The following KLHL14 variants were observed in gnomAD, a reference collection of about 807,000 sequenced individuals.
The protein encoded by KLHL14 is kelch-like protein 14.
Under a neutral mutation model 64.3 loss-of-function variants are expected in KLHL14, and 22 were observed. The observed-to-expected ratio is 0.34, with a 90% CI of 0.24 to 0.49. KLHL14 has a LOEUF of 0.49. Among genes scored for constraint, KLHL14 ranks in the 20% least tolerant of loss-of-function variants. The pLI is 0.99. For missense variants in KLHL14, 661 were observed against 789.0 expected, an observed-to-expected ratio of 0.84 and a Z score of 1.94; for synonymous variants, 322 against 333.4, an observed-to-expected ratio of 0.97 and a Z score of 0.37.
At chr18:32,704,319 A>C (rs1254714168) in intron 3 of KLHL14, among the ~76,000 whole-genome samples, 1 of 152,174 alleles carries the variant, frequency 6.6e-6, no homozygotes, top group Non-Finnish European at 1.5e-5. Flanking sequence ...CTACATAATG[A>C]GGATTTATAA....
In KLHL14 at chr18:32,741,973, C is replaced by A. The variant is rs772117786; in HGVS notation, c.1024G>T (p.Val342Phe). 1 of 1,612,712 alleles carries A rather than the reference C, an allele frequency of 6.2e-7. No homozygotes were observed. ...PGPDRLPSNLVQYYDDEKKTW... is the reference protein window; with the variant it reads ...PGPDRLPSNLFQYYDDEKKTW... ...TTCTTTTCATCGTCGTAATACTGAA[C>A]CAAATTGCTGGGGAGCCGGTCCGGT... The change falls in exon 3 of 9, where the codon GTT becomes TTT. Residue 342 changes from valine to phenylalanine, a missense_variant. Physicochemically the swap from Val to Phe is conservative, Grantham distance 50. Coordinates refer to ENST00000359358, the MANE Select transcript of KLHL14 (RefSeq NM_020805.3).
chr18:32,769,326 T>C (rs2050363890), intron 2 of KLHL14, among the ~76,000 whole-genome samples: 1 of 152,176 alleles, frequency 6.6e-6, no homozygotes, highest in African/African-American at 2.4e-5. Flanking sequence ...GCTACACTTC[T>C]AACTGTCCTG....
chr18:32,736,811 T>G (rs1388767858), intron 3 of KLHL14, among the ~76,000 whole-genome samples: 1 of 152,098 alleles, frequency 6.6e-6, no homozygotes, highest in Non-Finnish European at 1.5e-5. Context: ...TACCCATTTT[T>G]TCAGAGTTAC....
intron 3 of KLHL14, among the ~76,000 whole-genome samples, chr18:32,709,854 G>A (rs2050010455): frequency 6.6e-6 from 1 of 152,168 alleles, no homozygotes; most frequent in South Asian, 2.1e-4. Context: ...TTGGAGTTCT[G>A]TTATTTGCAA....
At chr18:32,711,674 A>G (rs2050020123) in intron 3 of KLHL14, among the ~76,000 whole-genome samples, 1 of 152,196 alleles carries the variant, frequency 6.6e-6, no homozygotes, top group South Asian at 2.1e-4. Context: ...AAGGGCTAGT[A>G]GCAAGGCCTA....
chr18:32,741,044 A>G (rs2050194131), intron 3 of KLHL14: 1 of 152,242 alleles, frequency 6.6e-6, no homozygotes, highest in Non-Finnish European at 1.5e-5. Flanking sequence ...CAATAAGAAA[A>G]TCTAACATTC....
chr18:32,694,028 TG>T (rs1485392073), intron 4 of KLHL14, among the ~76,000 whole-genome samples: 1 of 152,192 alleles, frequency 6.6e-6, no homozygotes, highest in African/African-American at 2.4e-5. Context: ...AGGTTTTCTG[TG>T]TTGCTGCTTA....
intron 3 of KLHL14, among the ~76,000 whole-genome samples, chr18:32,701,678 T>G (rs2049966937): frequency 1.3e-5 from 2 of 152,132 alleles, no homozygotes; most frequent in Admixed American, 1.3e-4. Context: ...CTATTGAGGT[T>G]GTAGGAGGGA....
At chr18:32,696,873 C>CATT (rs2049939531) in intron 3 of KLHL14, among the ~76,000 whole-genome samples, 1 of 152,146 alleles carries the variant, frequency 6.6e-6, no homozygotes, top group African/African-American at 2.4e-5. Context: ...TCTGAAAGAG[C>CATT]AAATCAGATC....
At chr18:32,734,086 C>G (rs150179482) in intron 3 of KLHL14, 1 of 688,228 alleles carries the variant, frequency 1.5e-6, no homozygotes, top group Non-Finnish European at 2.7e-6. Flanking sequence ...GAGGTGAGAG[C>G]GCTTTGAGCA....
chr18:32,767,280 T>G (rs879688348), intron 2 of KLHL14, among the ~76,000 whole-genome samples: 20 of 152,204 alleles, frequency 1.3e-4, no homozygotes, highest in Admixed American at 2.0e-4. Context: ...ACTTTAAAGT[T>G]AGGAACTTCA....
chr18:32,766,937 AG>A (rs2050349122), intron 2 of KLHL14, among the ~76,000 whole-genome samples: 1 of 152,156 alleles, frequency 6.6e-6, no homozygotes, highest in Admixed American at 6.5e-5. Context: ...CTCTTAAACA[AG>A]TAAATTCTCT....
In KLHL14 at chr18:32,675,086, G is replaced by A. The variant is rs118164455; in HGVS notation, c.1747-289C>T. 4.0e-4 allele frequency among the ~76,000 whole-genome samples: 61 copies of A among 152,250 alleles called. No individual in the cohort carries two copies. In the East Asian group the frequency reaches 0.012, roughly 29 times the overall value. On this transcript the variant is annotated intron_variant, in intron 8 of 8. Coordinates refer to ENST00000359358, the MANE Select transcript of KLHL14 (RefSeq NM_020805.3). ...AAATCCTAAATTGGCTGGGCCCAGT[G>A]GCTCATACCTGTAATCACAGAGCTT... is the stretch of plus-strand genomic sequence containing the variant.
At chr18:32,731,588 A>G (rs1028948037) in intron 3 of KLHL14, among the ~76,000 whole-genome samples, 1 of 152,166 alleles carries the variant, frequency 6.6e-6, no homozygotes, top group Non-Finnish European at 1.5e-5. Context: ...ATGTATTTAT[A>G]TATGTAACAA....
At chr18:32,748,248 G>A (rs1343871153) in intron 2 of KLHL14, among the ~76,000 whole-genome samples, 1 of 152,130 alleles carries the variant, frequency 6.6e-6, no homozygotes, top group African/African-American at 2.4e-5. Flanking sequence ...GTTTTGCTCA[G>A]TTGCCCAGGC....
Position 32,770,220 on chromosome 18 carries a change from G to T in KLHL14, c.372C>A (p.Asn124Lys). 2.5e-6 allele frequency: 4 copies of T among 1,608,690 alleles called. No individual in the cohort carries two copies. Among genetic ancestry groups the T allele is most frequent in the Non-Finnish European group, 3.4e-6 (4 of 1,176,090 alleles). The change falls in exon 2 of 9, where the codon AAC becomes AAA. Residue 124 changes from asparagine (N) to lysine (K), a missense_variant. Asn to Lys is a moderately conservative substitution (Grantham distance 94). Transcript: ENST00000359358. This position sits in a 1 kb window ranked among gnomAD's most constrained non-coding sequence, Gnocchi z 6.7. ...KLLTSPRAIN[N>K]LVLQGCSSIG... ...TGGACGAGCAGCCCTGCAGCACCAG[G>T]TTGTTGATGGCCCGGGGGCTGGTCA...
intron 3 of KLHL14, chr18:32,738,106 T>C (rs1400976671): frequency 2.0e-5 from 3 of 151,928 alleles, no homozygotes; most frequent in African/African-American, 7.3e-5. Flanking sequence ...ACCTTGCCCA[T>C]CAGTAAAGAA....
chr18:32,692,351 T>A (rs867546265), intron 4 of KLHL14, among the ~76,000 whole-genome samples: 17 of 152,184 alleles, frequency 1.1e-4, no homozygotes, highest in Admixed American at 5.2e-4. Context: ...AGAACTAATG[T>A]TTAACTTAAG....
At chr18:32,694,196 C>A (rs1023500900) in intron 4 of KLHL14, among the ~76,000 whole-genome samples, 6 of 152,302 alleles carry the variant, frequency 3.9e-5, no homozygotes, top group Non-Finnish European at 5.9e-5. Flanking sequence ...TTAGTTTTAA[C>A]CTGGCCTTCA....
Sources: gnomAD v4.1 joint callset for allele counts (sites outside exome capture counted in the v4.1 genomes callset) on GRCh38, gnomAD v4.1.1 for gene constraint, Gnocchi (gnomAD v3.1) non-coding constraint, MANE v1.5 for transcripts, NCBI Gene and HGNC (gene_info 2026-07-23, HGNC 2026-07-21) for gene names.